Variants in SEMA6D observed in about 807,000 individuals in gnomAD.
SEMA6D encodes the protein semaphorin-6D.
Under a neutral mutation model 106.6 loss-of-function variants are expected in SEMA6D, and 35 were observed. The observed-to-expected ratio is 0.33, with a 90% CI of 0.25 to 0.44. SEMA6D has a LOEUF of 0.44. SEMA6D is among the 20% of genes least tolerant of loss of function. SEMA6D has a pLI of 1.00. For missense variants in SEMA6D, 1,185 were observed against 1,345.9 expected, an observed-to-expected ratio of 0.88 and a Z score of 1.87; for synonymous variants, 499 against 487.7, an observed-to-expected ratio of 1.02 and a Z score of -0.31.
rs1024551457 is a variant in SEMA6D at position 47,717,688 on chromosome 15, A to G, written c.-59A>G. The G allele has an allele frequency of 4.0e-5, 6 of 150,984 alleles. No individual in the cohort carries two copies. Among genetic ancestry groups the G allele is most frequent in the African/African-American group, 1.2e-4 (5 of 40,886 alleles). The allele number at this position is 150,984 out of a possible 1,614,324, so 9.4% of individuals were successfully genotyped here. On this transcript the variant is annotated 5_prime_UTR_variant, in exon 1 of 19. The change abolishes an upstream ATG in the 5' untranslated region. Coordinates refer to ENST00000536845, the MANE Select transcript of SEMA6D (RefSeq NM_001358351.3). Reference sequence around the variant, plus strand: ...CTTTTTTCTTACCAGCCTCCCCCCAATGAGGTAAGACCGTTTTCAACAATT... The same window carrying G: ...CTTTTTTCTTACCAGCCTCCCCCCAGTGAGGTAAGACCGTTTTCAACAATT...
At chr15:47,386,718 G>C (rs1304863137) in intron 1 of SEMA6D, among the ~76,000 whole-genome samples, 1 of 152,188 alleles carries the variant, frequency 6.6e-6, no homozygotes, top group Non-Finnish European at 1.5e-5. Context: ...GTTTCAGAGG[G>C]CAATAGCTGG....
At chr15:47,425,495 C>T (rs1408173291) in intron 2 of SEMA6D, among the ~76,000 whole-genome samples, 1 of 151,954 alleles carries the variant, frequency 6.6e-6, no homozygotes, top group Non-Finnish European at 1.5e-5. Flanking sequence ...TCCATGTTGG[C>T]CTACAAGGCT....
At chr15:47,708,142 G>A (rs1410554554) in intron 4 of SEMA6D, among the ~76,000 whole-genome samples, 1 of 152,150 alleles carries the variant, frequency 6.6e-6, no homozygotes, top group Non-Finnish European at 1.5e-5. Flanking sequence ...CTTGAGAGCT[G>A]TCTCTCACTC....
chr15:47,414,954 A>G (rs2040911836), intron 2 of SEMA6D, among the ~76,000 whole-genome samples: 1 of 152,138 alleles, frequency 6.6e-6, no homozygotes, highest in African/African-American at 2.4e-5. Flanking sequence ...TAATTTGTAA[A>G]AGGGGTTTAA....
chr15:47,363,958 C>A (rs2038911424), intron 1 of SEMA6D, among the ~76,000 whole-genome samples: 1 of 152,128 alleles, frequency 6.6e-6, no homozygotes. Context: ...ACCATCAGCT[C>A]TCCTGAGAAC....
At chr15:47,489,209 G>C (rs2043388633) in intron 3 of SEMA6D, among the ~76,000 whole-genome samples, 1 of 152,106 alleles carries the variant, frequency 6.6e-6, no homozygotes, top group Non-Finnish European at 1.5e-5. Context: ...AGGAACACTT[G>C]GAGCCGCCAG....
chr15:47,318,513 C>T (rs1179130976), intron 1 of SEMA6D, among the ~76,000 whole-genome samples: 3 of 146,794 alleles, frequency 2.0e-5, no homozygotes, highest in African/African-American at 2.5e-5. Context: ...TGAGAATATG[C>T]GATGTTTGGT....
At chr15:47,444,741 A>G (rs999932011) in intron 2 of SEMA6D, among the ~76,000 whole-genome samples, 5 of 152,140 alleles carry the variant, frequency 3.3e-5, no homozygotes, top group African/African-American at 1.2e-4. Flanking sequence ...AGCAAGCACT[A>G]TGGGCTCCTG....
chr15:47,409,995 AT>A (rs548730173), intron 1 of SEMA6D, among the ~76,000 whole-genome samples: 15 of 150,868 alleles, frequency 9.9e-5, no homozygotes, highest in African/African-American at 1.7e-4. Context: ...TATTTAAGAA[AT>A]TTTTTTTTTA....
chr15:47,641,009 T>C (rs2077478691), intron 4 of SEMA6D, among the ~76,000 whole-genome samples: 1 of 152,176 alleles, frequency 6.6e-6, no homozygotes, highest in Non-Finnish European at 1.5e-5. Context: ...AGGAAGTCAC[T>C]AGTGATAAAA....
At chr15:47,562,364 T>C (rs988542817) in intron 3 of SEMA6D, among the ~76,000 whole-genome samples, 1 of 152,064 alleles carries the variant, frequency 6.6e-6, no homozygotes, top group Non-Finnish European at 1.5e-5. Flanking sequence ...AGAAAACTTA[T>C]GAGAAAATCT....
intron 4 of SEMA6D, among the ~76,000 whole-genome samples, chr15:47,620,788 G>T (rs1052288484): frequency 1.3e-5 from 2 of 151,676 alleles, no homozygotes; most frequent in Admixed American, 6.6e-5. Flanking sequence ...GATTAGTGGG[G>T]TTCAGAGGAA....
At chr15:47,242,541 C>T (rs2032974434) in intron 1 of SEMA6D, among the ~76,000 whole-genome samples, 1 of 152,046 alleles carries the variant, frequency 6.6e-6, no homozygotes, top group Non-Finnish European at 1.5e-5. Context: ...AAGAAGGAGC[C>T]ATAGGGCATA....
At position 47,771,319 on chromosome 15, in the gene SEMA6D, C is replaced by T; in HGVS notation, c.2756C>T (p.Pro919Leu). Residue 919 changes from proline (P) to leucine (L), a missense_variant, in exon 19 of 19, where the codon CCA becomes CTA. By Grantham distance (98) the Pro-to-Leu change is moderately conservative. Transcript: ENST00000536845. ...LDPMGSMSEV[P>L]PKVPNREASL... ...CCCATGGGATCGATGTCTGAGGTCCCACCTAAAGTCCCTAACCGGGAGGCA... is the reference window on the plus strand; with the variant it reads ...CCCATGGGATCGATGTCTGAGGTCCTACCTAAAGTCCCTAACCGGGAGGCA... 2 of 1,613,992 alleles carry T rather than the reference C, an allele frequency of 1.2e-6. No individual in the cohort carries two copies. The highest frequency in any genetic ancestry group is 1.7e-6 in the Non-Finnish European group (2 of 1,179,966).
At chr15:47,316,671 A>T (rs7172606) in intron 1 of SEMA6D, among the ~76,000 whole-genome samples, 9,122 of 144,182 alleles carry the variant, frequency 0.063, 1,189 homozygotes, top group East Asian at 0.6. Flanking sequence ...CTATCTGCTG[A>T]TATGGTCATT....
intron 2 of SEMA6D, among the ~76,000 whole-genome samples, chr15:47,445,810 C>G (rs1429998956): frequency 1.3e-5 from 2 of 151,908 alleles, no homozygotes; most frequent in Non-Finnish European, 2.9e-5. Flanking sequence ...TGTTCATGTA[C>G]CCCATTCACG....
chr15:47,747,315 A>C (rs962403479), intron 1 of SEMA6D, among the ~76,000 whole-genome samples: 3 of 152,066 alleles, frequency 2.0e-5, no homozygotes, highest in Non-Finnish European at 4.4e-5. Context: ...TGCTGGGATT[A>C]TTGTCCAGGT....
intron 3 of SEMA6D, among the ~76,000 whole-genome samples, chr15:47,506,988 GA>G (rs1326773248): frequency 6.6e-6 from 1 of 152,136 alleles, no homozygotes; most frequent in Non-Finnish European, 1.5e-5. Context: ...AGTATTTAAA[GA>G]AAAAAGGAAG....
intron 1 of SEMA6D, among the ~76,000 whole-genome samples, chr15:47,263,134 T>C (rs1423886447): frequency 1.3e-5 from 2 of 152,182 alleles, no homozygotes; most frequent in African/African-American, 4.8e-5. Flanking sequence ...GACATAGGGA[T>C]TGGCAAAGAT....
Sources: allele counts gnomAD v4.1 joint callset (sites outside exome capture counted in the v4.1 genomes callset), GRCh38; gene constraint gnomAD v4.1.1; transcripts MANE v1.5; gene names NCBI Gene and HGNC (gene_info 2026-07-23, HGNC 2026-07-21).